Variants in TJP3 observed in about 807,000 individuals in gnomAD.
TJP3 encodes the protein tight junction protein ZO-3.
A neutral mutation model predicts 104.2 loss-of-function variants in TJP3; 85 were observed. The ratio of observed to expected loss-of-function variants is 0.82; its 90% CI spans 0.68 to 0.98. The LOEUF (loss-of-function observed/expected upper bound fraction) is 0.98. Ranked by LOEUF, TJP3 falls within the 50% of genes least tolerant of loss-of-function variation. The pLI is 0.00. For synonymous variants in TJP3, 550 were observed against 550.6 expected (o/e 1.00, Z 0.02); for missense variants, 1,367 against 1,322.8 (o/e 1.03, Z -0.52).
intron 1 of TJP3, among the ~76,000 whole-genome samples, chr19:3,716,240 T>C (rs894299987): frequency 4.7e-5 from 7 of 147,774 alleles, no homozygotes; most frequent in African/African-American, 1.7e-4. Context: ...GCCCAGCTAA[T>C]TTCTGTATTT....
intron 11 of TJP3, 80 bp from the exon 12 acceptor site, chr19:3,738,475 G>C: frequency 1.6e-6 from 2 of 1,281,144 alleles, no homozygotes; most frequent in Non-Finnish European, 2.2e-6. Flanking sequence ...GCTGAGTTTT[G>C]CCCAGAGGAA....
intron 15 of TJP3, among the ~76,000 whole-genome samples, chr19:3,745,402 C>A (rs1421982306): frequency 6.6e-6 from 1 of 152,086 alleles, no homozygotes. Flanking sequence ...CCTCAGCCTC[C>A]CAAAGTGCTG....
intron 1 of TJP3, among the ~76,000 whole-genome samples, chr19:3,716,975 T>G (rs1292446863): frequency 1.4e-5 from 2 of 139,982 alleles, no homozygotes; most frequent in Admixed American, 7.3e-5. Context: ...ACTTTTTTTT[T>G]TTTTTTTGAG....
chr19:3,709,559 GC>G (rs899712748), intron 1 of TJP3, among the ~76,000 whole-genome samples: 10 of 152,200 alleles, frequency 6.6e-5, no homozygotes, highest in African/African-American at 2.4e-4. Flanking sequence ...TTCCTCGTGA[GC>G]CAAGTGTCCG....
At chr19:3,729,982 T>C in intron 3 of TJP3, 46 bp from the exon 4 acceptor site, 2 of 1,541,676 alleles carry the variant, frequency 1.3e-6, no homozygotes, top group Non-Finnish European at 1.8e-6. Context: ...GTTACGAGGG[T>C]CTCCCCTGCA....
At position 3,747,951 on chromosome 19, in the gene TJP3, G is replaced by A. The variant is rs1460942944; in HGVS notation, c.2480G>A (p.Gly827Glu). ...TDGEGYTDGE[G>E]GPYTDVDDEP... ...GGCGAGGGCTACACAGACGGCGAGG[G>A]GGGGCCCTACACGGATGTGGATGAT... The change falls in exon 19 of 21, where the codon GGG (glycine) becomes GAG (glutamate). Residue 827 changes from glycine to glutamate, a missense_variant. Transcript: ENST00000541714. 1.2e-5 allele frequency: 19 copies of A among 1,612,972 alleles called. No individual in the cohort carries two copies. The highest frequency in any genetic ancestry group is 3.3e-4 in the Middle Eastern group (2 of 6,080).
Position 3,738,650 on chromosome 19 carries a change from G to C in TJP3, c.1380G>C (p.Gln460His). 1 of 1,613,650 alleles carries C rather than the reference G, an allele frequency of 6.2e-7. No individual in the cohort carries two copies. The highest frequency in any genetic ancestry group is 8.5e-7 in the Non-Finnish European group (1 of 1,179,918). ...PPGEEMELVT[Q>H]RKQDIFWKMV... ...GCGAGGAGATGGAGCTGGTGACGCA[G>C]AGGAAGCAGGACAGTGAGTGCGCGT... is the stretch of plus-strand genomic sequence containing the variant. Residue 460 changes from glutamine to histidine, a missense_variant, in exon 12 of 21, where the codon CAG becomes CAC. Transcript: ENST00000541714.
At chr19:3,710,131 A>AGAGT (rs1399773789) in intron 1 of TJP3, among the ~76,000 whole-genome samples, 1 of 140,936 alleles carries the variant, frequency 7.1e-6, no homozygotes, top group African/African-American at 2.7e-5. Flanking sequence ...CCTGGACAAC[A>AGAGT]GAGTGAGACT....
At chr19:3,728,156 C>A (rs2036620332) in intron 1 of TJP3, among the ~76,000 whole-genome samples, 2 of 152,000 alleles carry the variant, frequency 1.3e-5, no homozygotes, top group African/African-American at 4.8e-5. Context: ...AGGAGAATCG[C>A]TTGAACCCGG....
At chr19:3,749,186 C>T (rs2036954541) in intron 19 of TJP3, among the ~76,000 whole-genome samples, 2 of 152,058 alleles carry the variant, frequency 1.3e-5, no homozygotes, top group Admixed American at 6.6e-5. Flanking sequence ...ACATTTTAAC[C>T]TCTCTGTGCA....
intron 1 of TJP3, among the ~76,000 whole-genome samples, chr19:3,723,654 T>G (rs2145674258): frequency 6.6e-6 from 1 of 151,476 alleles, no homozygotes; most frequent in East Asian, 1.9e-4. Context: ...TAGCCGGGCG[T>G]GGTGGTTGGA....
intron 18 of TJP3, among the ~76,000 whole-genome samples, chr19:3,747,383 G>A (rs1332811123): frequency 7.2e-5 from 11 of 152,200 alleles, no homozygotes; most frequent in Non-Finnish European, 5.9e-5. Flanking sequence ...TTTGAGAATG[G>A]AGTCAGTGGG....
rs1030114576 is a variant in TJP3, at chr19:3,715,496, G to A, written c.-10+6935G>A. Among the ~76,000 whole-genome samples, 7 of 152,182 alleles carry A rather than the reference G, an allele frequency of 4.6e-5. No homozygotes were observed. In the South Asian group the frequency reaches 1.2e-3, roughly 27 times the overall value. On this transcript the variant is annotated intron_variant, in intron 1 of 20. Transcript: ENST00000541714. ...AAGCCTTGGATTTGAACCCAGGTTTGGAGGATGGTACTAGGGAGCCATCGA... is the reference window on the plus strand; with the variant it reads ...AAGCCTTGGATTTGAACCCAGGTTTAGAGGATGGTACTAGGGAGCCATCGA...
chr19:3,742,514 C>T (rs1337843320), intron 14 of TJP3, among the ~76,000 whole-genome samples: 2 of 149,608 alleles, frequency 1.3e-5, no homozygotes, highest in East Asian at 2.0e-4. Flanking sequence ...CCAGGTGCAG[C>T]GATTTTCCAA....
At position 3,738,659 on chromosome 19, in the gene TJP3, G is replaced by A; in HGVS notation, c.1389G>A (p.Gln463=). 1.9e-6 allele frequency: 3 copies of A among 1,613,100 alleles called. No homozygotes were observed. Among genetic ancestry groups the A allele is most frequent in the African/African-American group, 2.7e-5 (2 of 75,052 alleles). Residue 463 remains glutamine (Q), a synonymous_variant, in exon 12 of 21, where the codon CAG becomes CAA. Coordinates refer to ENST00000541714, the MANE Select transcript of TJP3 (RefSeq NM_001267560.2). Reference sequence around the variant, plus strand: ...TGGAGCTGGTGACGCAGAGGAAGCAGGACAGTGAGTGCGCGTGGATATGGG... The same window carrying A: ...TGGAGCTGGTGACGCAGAGGAAGCAAGACAGTGAGTGCGCGTGGATATGGG... ...EEMELVTQRK[Q]DIFWKMVQSR...
At chr19:3,732,313 T>C (rs369580122) in intron 6 of TJP3, among the ~76,000 whole-genome samples, 66 of 152,254 alleles carry the variant, frequency 4.3e-4, no homozygotes, top group African/African-American at 1.5e-3. Flanking sequence ...GAGACTCATG[T>C]GGGCAGCTGA....
intron 1 of TJP3, among the ~76,000 whole-genome samples, chr19:3,715,350 A>C (rs1224608963): frequency 6.6e-6 from 1 of 152,046 alleles, no homozygotes; most frequent in Non-Finnish European, 1.5e-5. Flanking sequence ...CGGCCTCCCA[A>C]AGTGCTGGGA....
At chr19:3,745,708 G>A (rs1301071009) in intron 15 of TJP3, among the ~76,000 whole-genome samples, 1 of 152,190 alleles carries the variant, frequency 6.6e-6, no homozygotes, top group Non-Finnish European at 1.5e-5. Flanking sequence ...CTCAGCATCA[G>A]GCCTCTGACC....
chr19:3,734,333 C>T lies in TJP3; in HGVS notation c.884C>T (p.Ser295Leu), dbSNP rs377468613. The T allele has an allele frequency of 2.8e-5, 45 of 1,613,756 alleles. No individual in the cohort carries two copies. Among genetic ancestry groups the T allele is most frequent in the African/African-American group, 4.0e-5 (3 of 75,036 alleles). ...DSDSSPLEDI[S>L]DLASELSQAP... ...ATGTCCTCTCCCCCTGCAGACATCT[C>T]GGACCTCGCCTCGGAGCTATCGCAG... The change falls in exon 8 of 21, where the codon TCG becomes TTG. Residue 295 changes from serine to leucine, a missense_variant. Transcript: ENST00000541714.
Sources: gnomAD v4.1 joint callset for allele counts (sites outside exome capture counted in the v4.1 genomes callset) on GRCh38, gnomAD v4.1.1 for gene constraint, MANE v1.5 for transcripts, NCBI Gene and HGNC (gene_info 2026-07-23, HGNC 2026-07-21) for gene names.